PCDH15: variants seen among roughly 807,000 people sequenced by gnomAD.
The protein encoded by PCDH15 is protocadherin-15.
Under a neutral mutation model 178.5 loss-of-function variants are expected in PCDH15, and 129 were observed. The ratio of observed to expected loss-of-function variants is 0.72; its 90% CI spans 0.63 to 0.84. PCDH15 has a LOEUF of 0.84. Among genes scored for constraint, PCDH15 ranks in the 40% least tolerant of loss-of-function variants. The pLI, the probability that PCDH15 is intolerant of heterozygous loss-of-function variation, is 0.00. For synonymous variants in PCDH15, 800 were observed against 732.0 expected, an observed-to-expected ratio of 1.09 and a Z score of -1.50; for missense variants, 2,230 against 2,099.9, an observed-to-expected ratio of 1.06 and a Z score of -1.21.
rs187832749 is a variant in PCDH15 at position 54,911,466 on chromosome 10, T to A, written c.-79-13966A>T. 7.9e-5 allele frequency among the ~76,000 whole-genome samples: 12 copies of A among 152,308 alleles called. No individual in the cohort carries two copies. The East Asian group carries it at 1.5e-3, about 20-fold the overall frequency. On this transcript the variant is annotated intron_variant, in intron 2 of 5. Coordinates refer to the PCDH15 transcript ENST00000458638. ...TAAGACAATAAACTATTTTTAATAA[T>A]CTATATGATGGGTATAAAATACAAT...
chr10:55,407,373 G>A (rs920329115), intron 2 of PCDH15, among the ~76,000 whole-genome samples: 1 of 152,114 alleles, frequency 6.6e-6, no homozygotes, highest in Non-Finnish European at 1.5e-5. Context: ...GTTCAAATGG[G>A]TAAATACTGC....
At chr10:55,334,103 A>G (rs1156330494) in intron 2 of PCDH15, among the ~76,000 whole-genome samples, 1 of 150,370 alleles carries the variant, frequency 6.7e-6, no homozygotes, top group African/African-American at 2.5e-5. Context: ...TTCAAGCCCT[A>G]GGTATAGGTA....
intron 2 of PCDH15, among the ~76,000 whole-genome samples, chr10:55,361,973 T>A (rs994892850): frequency 6.6e-6 from 1 of 152,102 alleles, no homozygotes; most frequent in African/African-American, 2.4e-5. Flanking sequence ...GGAGAAAATC[T>A]CCTTTCTTGG....
chr10:54,924,740 T>C (rs1321522671), intron 2 of PCDH15, among the ~76,000 whole-genome samples: 5 of 152,224 alleles, frequency 3.3e-5, no homozygotes. Context: ...TGCATATGTG[T>C]CTTCTTTTAA....
intron 9 of PCDH15, among the ~76,000 whole-genome samples, chr10:54,235,804 T>C (rs7090842): frequency 0.045 from 6,797 of 152,170 alleles, 368 homozygotes; most frequent in African/African-American, 0.13. Flanking sequence ...TAAATGATGC[T>C]TTATTATCTA....
In PCDH15 at chr10:54,342,280, G is replaced by T. The variant is rs574455706; in HGVS notation, c.594+4085C>A. Among the ~76,000 whole-genome samples, 20 of 152,286 alleles carry T rather than the reference G, an allele frequency of 1.3e-4. No homozygotes were observed. In the South Asian group the frequency reaches 1.9e-3, roughly 14 times the overall value. On this transcript the variant is annotated intron_variant, in intron 6 of 37. Coordinates refer to ENST00000644397, the MANE Select transcript of PCDH15 (RefSeq NM_001384140.1). ...TCTGAGCTGGGACCAGGGCCCCACT[G>T]CTCTGTGCAGCCTTAGGACATGGCA...
intron 2 of PCDH15, among the ~76,000 whole-genome samples, chr10:54,622,593 A>AT (rs1364719712): frequency 7.9e-4 from 79 of 100,152 alleles, no homozygotes; most frequent in Admixed American, 1.7e-3. Flanking sequence ...AATATATATA[A>AT]TATATAATAT....
intron 23 of PCDH15, among the ~76,000 whole-genome samples, chr10:53,958,762 G>C (rs533203055): frequency 6.6e-6 from 1 of 151,932 alleles, no homozygotes; most frequent in South Asian, 2.1e-4. Flanking sequence ...AGGTGGATCA[G>C]GAGGTCAGAG....
At chr10:54,825,188 A>T (rs1013136635) in intron 3 of PCDH15, among the ~76,000 whole-genome samples, 1 of 151,904 alleles carries the variant, frequency 6.6e-6, no homozygotes, top group Non-Finnish European at 1.5e-5. Context: ...CCATGTCCCT[A>T]CAAAGGACAT....
At chr10:55,599,781 C>G (rs961498097) in intron 2 of PCDH15, 5 of 475,344 alleles carry the variant, frequency 1.1e-5, no homozygotes, top group Admixed American at 7.7e-5. Context: ...AAAACATCAC[C>G]CCTAGCATTG....
intron 2 of PCDH15, among the ~76,000 whole-genome samples, chr10:55,567,468 G>A (rs914520555): frequency 1.3e-5 from 2 of 150,894 alleles, no homozygotes; most frequent in Non-Finnish European, 3.0e-5. Flanking sequence ...AAAAATGCAT[G>A]CATCAAAAGA....
chr10:54,580,774 A>C (rs1227154425), intron 2 of PCDH15, among the ~76,000 whole-genome samples: 1 of 152,114 alleles, frequency 6.6e-6, no homozygotes. Context: ...TATTTCTGGG[A>C]TGCAAGAGTA....
At chr10:55,183,904 G>T (rs1171675267) in intron 1 of PCDH15, among the ~76,000 whole-genome samples, 2 of 151,984 alleles carry the variant, frequency 1.3e-5, no homozygotes, top group African/African-American at 4.8e-5. Flanking sequence ...ATTTAAAAAG[G>T]TTAGAGTTAT....
At position 54,132,860 on chromosome 10, in the gene PCDH15, C is replaced by T. The variant is rs899709174; in HGVS notation, c.1917+15G>A. 6.2e-7 allele frequency: 1 copy of T among 1,604,500 alleles called. No individual in the cohort carries two copies. The highest frequency in any genetic ancestry group is 8.5e-7 in the Non-Finnish European group (1 of 1,175,118). On this transcript the variant is annotated intron_variant, in intron 15 of 37. Coordinates refer to ENST00000644397, the MANE Select transcript of PCDH15 (RefSeq NM_001384140.1). ...ATTTATACACACACACACACACACA[C>T]ACCAAGGAACATACCTGTAGATTTA...
intron 1 of PCDH15, among the ~76,000 whole-genome samples, chr10:55,228,560 C>G (rs922628594): frequency 6.6e-6 from 1 of 151,940 alleles, no homozygotes; most frequent in Non-Finnish European, 1.5e-5. Flanking sequence ...TGTGAGCATG[C>G]TTGTGCTCAC....
intron 2 of PCDH15, among the ~76,000 whole-genome samples, chr10:55,055,745 G>A: frequency 6.6e-6 from 1 of 152,154 alleles, no homozygotes; most frequent in East Asian, 1.9e-4. Context: ...GGAGGTGGAA[G>A]TTGCAGTGAG....
chr10:53,969,670 A>G (rs1012630871), intron 21 of PCDH15, among the ~76,000 whole-genome samples: 5 of 152,204 alleles, frequency 3.3e-5, no homozygotes, highest in African/African-American at 1.2e-4. Flanking sequence ...TAAGCAAAAA[A>G]TGTACAAGTC....
chr10:54,809,788 A>G (rs1328464272), intron 3 of PCDH15, among the ~76,000 whole-genome samples: 1 of 152,174 alleles, frequency 6.6e-6, no homozygotes, highest in Non-Finnish European at 1.5e-5. Flanking sequence ...AGAACAAAAA[A>G]AAACTTTGTT....
chr10:55,572,249 G>T (rs1842419521), intron 2 of PCDH15, among the ~76,000 whole-genome samples: 1 of 151,506 alleles, frequency 6.6e-6, no homozygotes, highest in Non-Finnish European at 1.5e-5. Context: ...TTCATAAAAG[G>T]ACTGACTTAT....
Sources: gnomAD v4.1 joint callset for allele counts (sites outside exome capture counted in the v4.1 genomes callset) on GRCh38, gnomAD v4.1.1 for gene constraint, MANE v1.5 for transcripts, NCBI Gene and HGNC (gene_info 2026-07-23, HGNC 2026-07-21) for gene names.